SDK1: variants seen among roughly 807,000 people sequenced by gnomAD.
SDK1 encodes the protein sidekick cell adhesion molecule 1, also known as protein sidekick-1.
SDK1 carries 157 observed loss-of-function variants against 245.5 expected under a neutral mutation model. That is an observed-to-expected ratio of 0.64 (90% CI 0.56 to 0.73). The LOEUF (loss-of-function observed/expected upper bound fraction) is 0.73. Among genes scored for constraint, SDK1 ranks in the 30% least tolerant of loss-of-function variants. The pLI is 0.00. For synonymous variants in SDK1, 1,647 were observed against 1,278.5 expected (o/e 1.29, Z -6.15); for missense variants, 3,583 against 3,002.3 (o/e 1.19, Z -4.52).
At chr7:4,039,499 T>TGCAA in intron 17 of SDK1, among the ~76,000 whole-genome samples, 1 of 152,168 alleles carries the variant, frequency 6.6e-6, no homozygotes, top group African/African-American at 2.4e-5. Context: ...TCAAGAATGT[T>TGCAA]TCAAAATAAA....
Position 3,644,472 on chromosome 7 carries a change from A to G in SDK1, c.713+2367A>G, listed in dbSNP as rs992770470. Among the ~76,000 whole-genome samples the G allele has an allele frequency of 3.3e-5, 5 of 151,888 alleles. No homozygotes were observed. The South Asian group carries it at 8.3e-4, about 25-fold the overall frequency. ...CTTAGTAGACTGTTAGGCTTTAAAA[A>G]GGCAGGTAAGGGCCATTTGCGGTGG... On this transcript the variant is annotated intron_variant, in intron 4 of 44. Coordinates refer to ENST00000404826, the MANE Select transcript of SDK1 (RefSeq NM_152744.4).
At chr7:4,073,713 C>T (rs914353229) in intron 20 of SDK1, among the ~76,000 whole-genome samples, 7 of 152,194 alleles carry the variant, frequency 4.6e-5, no homozygotes, top group African/African-American at 1.7e-4. Flanking sequence ...CCCTTGCACA[C>T]ATCAGGAGGA....
At chr7:3,664,165 G>A (rs1301005096) in intron 4 of SDK1, among the ~76,000 whole-genome samples, 1 of 152,008 alleles carries the variant, frequency 6.6e-6, no homozygotes, top group Non-Finnish European at 1.5e-5. Flanking sequence ...TCTTCTTGGT[G>A]GAATGCTTGA....
chr7:3,758,398 A>T (rs1779998887), intron 4 of SDK1, among the ~76,000 whole-genome samples: 2 of 152,186 alleles, frequency 1.3e-5, no homozygotes, highest in South Asian at 2.1e-4. Context: ...TCATTTATTT[A>T]TATCATTTTG....
chr7:3,969,934 A>G lies in SDK1; in HGVS notation c.1714+510A>G, dbSNP rs192704185. ...CTAAGACACTTCTAATATACTAACTATCAATGTTTCTTGTATATTAGGAGT... is the reference window on the plus strand; with the variant it reads ...CTAAGACACTTCTAATATACTAACTGTCAATGTTTCTTGTATATTAGGAGT... On this transcript the variant is annotated intron_variant, in intron 11 of 44. Coordinates refer to ENST00000404826, the MANE Select transcript of SDK1 (RefSeq NM_152744.4). Among the ~76,000 whole-genome samples, 153 of 152,356 alleles carry G rather than the reference A, an allele frequency of 1.0e-3. 1 individual carries two copies. The highest frequency in any genetic ancestry group is 3.3e-3 in the African/African-American group (139 of 41,574).
intron 1 of SDK1, among the ~76,000 whole-genome samples, chr7:3,523,140 T>C (rs1782999093): frequency 6.6e-6 from 1 of 152,216 alleles, no homozygotes; most frequent in African/African-American, 2.4e-5. Flanking sequence ...TTGTATATTT[T>C]TGACAAAGCT....
chr7:3,914,566 A>G (rs927968590), intron 5 of SDK1, among the ~76,000 whole-genome samples: 5 of 152,236 alleles, frequency 3.3e-5, no homozygotes, highest in Non-Finnish European at 7.3e-5. Context: ...TTTAAAAAGC[A>G]CGCTGAAACC....
At chr7:3,936,263 G>T (rs1025872659) in intron 5 of SDK1, among the ~76,000 whole-genome samples, 10 of 152,088 alleles carry the variant, frequency 6.6e-5, no homozygotes, top group Non-Finnish European at 2.9e-5. Context: ...GTTTAATGGG[G>T]TGCAGAGTTT....
chr7:3,932,974 C>T (rs1236865869), intron 5 of SDK1, among the ~76,000 whole-genome samples: 1 of 152,050 alleles, frequency 6.6e-6, no homozygotes, highest in African/African-American at 2.4e-5. Context: ...AGTGAATCCC[C>T]AAAGAGGCTG....
Position 4,191,841 on chromosome 7 carries a change from G to A in SDK1, c.5098+13255G>A, listed in dbSNP as rs373058647. 2.0e-3 allele frequency among the ~76,000 whole-genome samples: 311 copies of A among 152,346 alleles called. 4 individuals carry two copies. The South Asian group carries it at 0.052, about 25-fold the overall frequency. On this transcript the variant is annotated intron_variant, in intron 35 of 44. Coordinates refer to ENST00000404826, the MANE Select transcript of SDK1 (RefSeq NM_152744.4). ...AGCGCCATCTCCACAGGTGTGGCCG[G>A]GCAGACCACCCCTCCCAGGGCCGCG...
chr7:4,025,422 A>T (rs541265008), intron 17 of SDK1, among the ~76,000 whole-genome samples: 3 of 152,206 alleles, frequency 2.0e-5, no homozygotes, highest in Non-Finnish European at 4.4e-5. Flanking sequence ...GGAGCAGGGC[A>T]GGTAGGGTTT....
intron 10 of SDK1, among the ~76,000 whole-genome samples, 167 bp from the exon 11 acceptor site, chr7:3,969,090 T>G (rs1782289349): frequency 6.6e-6 from 1 of 152,166 alleles, no homozygotes; most frequent in Non-Finnish European, 1.5e-5. Context: ...CAGGATCCAG[T>G]CACCTCCCAC....
At chr7:3,833,794 A>G (rs1323204595) in intron 5 of SDK1, among the ~76,000 whole-genome samples, 1 of 152,226 alleles carries the variant, frequency 6.6e-6, no homozygotes, top group South Asian at 2.1e-4. Context: ...TTTTACTTAC[A>G]GTGTTTGTAA....
intron 1 of SDK1, among the ~76,000 whole-genome samples, chr7:3,486,387 T>A (rs1371958071): frequency 6.6e-6 from 1 of 152,064 alleles, no homozygotes; most frequent in African/African-American, 2.4e-5. Flanking sequence ...TGTGCTGGTA[T>A]TTTTGTTTGG....
intron 4 of SDK1, among the ~76,000 whole-genome samples, chr7:3,693,350 G>A (rs932372193): frequency 3.3e-5 from 5 of 151,950 alleles, no homozygotes; most frequent in African/African-American, 1.2e-4. Flanking sequence ...GTTTCATAGT[G>A]TTACTTCCTC....
chr7:4,136,650 C>T (rs1779114112), intron 28 of SDK1, among the ~76,000 whole-genome samples: 1 of 152,234 alleles, frequency 6.6e-6, no homozygotes, highest in Non-Finnish European at 1.5e-5. Flanking sequence ...CCTCACCCAC[C>T]AGCTGACACC....
intron 29 of SDK1, among the ~76,000 whole-genome samples, chr7:4,148,328 CAATT>C (rs1780125817): frequency 6.6e-6 from 1 of 152,164 alleles, no homozygotes; most frequent in African/African-American, 2.4e-5. Flanking sequence ...AACAATTAAA[CAATT>C]ATTCCTTCCG....
chr7:3,723,728 ACATATACATATACACGTGTATATACACG>A, intron 4 of SDK1, among the ~76,000 whole-genome samples: 1 of 151,138 alleles, frequency 6.6e-6, no homozygotes, highest in Admixed American at 6.6e-5. Context: ...ATATACACGT[ACATATACATATACACGTGTATATACACG>A]TACATATACA....
Position 3,971,522 on chromosome 7 carries a change from G to A in SDK1, c.1771G>A (p.Ala591Thr). ...CCACGTGGTGATTAAGGGGACCACG[G>A]CCACGCTGCACTGTGGTGCCACACA... ...EDHVVIKGTT[A>T]TLHCGATHDP... is the part of the protein sequence containing the mutation. Residue 591 changes from alanine to threonine, a missense_variant, in exon 12 of 45, where the codon GCC (alanine) becomes ACC (threonine). Coordinates refer to ENST00000404826, the MANE Select transcript of SDK1 (RefSeq NM_152744.4). 1.2e-6 allele frequency: 2 copies of A among 1,613,736 alleles called. No homozygotes were observed. The highest frequency in any genetic ancestry group is 2.2e-5 in the East Asian group (1 of 44,884).
Sources: allele counts gnomAD v4.1 joint callset (sites outside exome capture counted in the v4.1 genomes callset), GRCh38; gene constraint gnomAD v4.1.1; transcripts MANE v1.5; gene names NCBI Gene and HGNC (gene_info 2026-07-23, HGNC 2026-07-21).